Variants in NAA35 observed in about 807,000 individuals in gnomAD.
The protein encoded by NAA35 is N-alpha-acetyltransferase 35, NatC auxiliary subunit, also known as MAK10 homolog, amino-acid N-acetyltransferase subunit.
Under a neutral mutation model 101.7 loss-of-function variants are expected in NAA35, and 18 were observed. The observed-to-expected ratio is 0.18, with a 90% CI of 0.12 to 0.26. The LOEUF is 0.26. NAA35 is among the 10% of genes least tolerant of loss of function. The pLI is 1.00. For synonymous variants in NAA35, 267 were observed against 273.1 expected, an observed-to-expected ratio of 0.98 and a Z score of 0.22; for missense variants, 601 against 886.8, an observed-to-expected ratio of 0.68 and a Z score of 4.09.
At chr9:86,001,463 A>G (rs1337262698) in intron 12 of NAA35, among the ~76,000 whole-genome samples, 2 of 152,088 alleles carry the variant, frequency 1.3e-5, no homozygotes, top group East Asian at 1.9e-4. Flanking sequence ...TCGATGATCC[A>G]TCTAATACTG....
At chr9:85,954,984 C>G (rs1417646681) in intron 2 of NAA35, among the ~76,000 whole-genome samples, 1 of 152,076 alleles carries the variant, frequency 6.6e-6, no homozygotes, top group Non-Finnish European at 1.5e-5. Flanking sequence ...GTGGCACAAT[C>G]TCGGCTCACT....
Position 85,958,529 on chromosome 9 carries a change from T to C in NAA35, c.216T>C (p.Ala72=). 6.2e-7 allele frequency: 1 copy of C among 1,612,010 alleles called. No individual in the cohort carries two copies. Among genetic ancestry groups the C allele is most frequent in the Non-Finnish European group, 8.5e-7 (1 of 1,178,780 alleles). ...AAATGATGGATCCCAAGATGGATGC[T>C]GGCATGATTGGAAACCAAGTTAATC... is the stretch of plus-strand genomic sequence containing the variant. ...AIEMMDPKMD[A]GMIGNQVNRK... The change falls in exon 4 of 23, where the codon GCT becomes GCC. Residue 72 remains alanine, a synonymous_variant. Coordinates refer to ENST00000361671, the MANE Select transcript of NAA35 (RefSeq NM_024635.4).
intron 2 of NAA35, among the ~76,000 whole-genome samples, chr9:85,942,756 C>G (rs1253788489): frequency 1.3e-5 from 2 of 152,228 alleles, no homozygotes; most frequent in African/African-American, 2.4e-5. Flanking sequence ...CCCCGCCAGG[C>G]TTATTACATT....
chr9:86,020,741 G>T, intron 21 of NAA35, 148 bp from the exon 22 acceptor site: 1 of 514,532 alleles, frequency 1.9e-6, no homozygotes. Flanking sequence ...TGAAGTAGGA[G>T]GATTGCCTGA....
Position 86,013,403 on chromosome 9 carries a change from A to G in NAA35, c.1389+259A>G, listed in dbSNP as rs564685620. On this transcript the variant is annotated intron_variant, in intron 16 of 22. Coordinates refer to ENST00000361671, the MANE Select transcript of NAA35 (RefSeq NM_024635.4). Reference sequence around the variant, plus strand: ...TATAAAATGATAGTTTTACAAGCTTACATTATAAAAAATATTAATACATTA... The same window carrying G: ...TATAAAATGATAGTTTTACAAGCTTGCATTATAAAAAATATTAATACATTA... 3.0e-4 allele frequency among the ~76,000 whole-genome samples: 45 copies of G among 152,354 alleles called. 2 individuals are homozygous for G. In the South Asian group the frequency reaches 7.5e-3, roughly 25 times the overall value.
intron 6 of NAA35, among the ~76,000 whole-genome samples, chr9:85,962,506 A>G (rs904746651): frequency 2.0e-5 from 3 of 151,662 alleles, no homozygotes; most frequent in Admixed American, 6.6e-5. Flanking sequence ...AAAAAAAAAA[A>G]AAAGAAAGAA....
intron 12 of NAA35, among the ~76,000 whole-genome samples, chr9:85,997,464 C>T (rs1226416556): frequency 1.3e-5 from 2 of 151,936 alleles, no homozygotes; most frequent in Non-Finnish European, 2.9e-5. Context: ...ACATCAGCCT[C>T]CCAAGTAGCT....
chr9:85,989,757 TG>T (rs1830818889), intron 11 of NAA35, among the ~76,000 whole-genome samples: 1 of 152,196 alleles, frequency 6.6e-6, no homozygotes, highest in Non-Finnish European at 1.5e-5. Context: ...CGGTGGAAAT[TG>T]GTTTTACTAA....
chr9:86,000,549 GTTAT>G (rs1245117832), intron 12 of NAA35, among the ~76,000 whole-genome samples: 2 of 151,854 alleles, frequency 1.3e-5, no homozygotes, highest in Non-Finnish European at 2.9e-5. Context: ...TGGTTGGTAG[GTTAT>G]TTATTACTGA....
chr9:86,016,989 T>C (rs1024003926), intron 18 of NAA35, among the ~76,000 whole-genome samples: 1 of 152,162 alleles, frequency 6.6e-6, no homozygotes, highest in Non-Finnish European at 1.5e-5. Flanking sequence ...GCCAGATAGC[T>C]CAGGAGGGCA....
chr9:85,941,832 A>G (rs1283972309), intron 1 of NAA35: 3 of 1,040,730 alleles, frequency 2.9e-6, no homozygotes, highest in African/African-American at 3.4e-5. Context: ...TGTGGCTATT[A>G]TTGAAAGTTG....
At chr9:86,011,932 A>C in intron 15 of NAA35, among the ~76,000 whole-genome samples, 1 of 141,692 alleles carries the variant, frequency 7.1e-6, no homozygotes, top group Non-Finnish European at 1.5e-5. Flanking sequence ...TATAATATAT[A>C]CTATAATATA....
chr9:85,971,535 A>G lies in NAA35; in HGVS notation c.517-3432A>G, dbSNP rs76514254. 3.0e-3 allele frequency among the ~76,000 whole-genome samples: 463 copies of G among 152,286 alleles called. 2 individuals carry two copies. The highest frequency in any genetic ancestry group is 0.01 in the African/African-American group (418 of 41,550). On this transcript the variant is annotated intron_variant, in intron 6 of 22. Coordinates refer to ENST00000361671, the MANE Select transcript of NAA35 (RefSeq NM_024635.4). ...GCATTCAGTATCAACTAACTATACA[A>G]TGATGAAGTCCAAATTTATACCTCT...
intron 11 of NAA35, among the ~76,000 whole-genome samples, chr9:85,984,870 A>G (rs138023752): frequency 6.6e-6 from 1 of 152,310 alleles, no homozygotes; most frequent in African/African-American, 2.4e-5. Context: ...TCTTATGCAA[A>G]AGTCAACTCA....
intron 2 of NAA35, among the ~76,000 whole-genome samples, chr9:85,955,109 G>A (rs894989784): frequency 6.6e-6 from 1 of 151,450 alleles, no homozygotes; most frequent in Admixed American, 6.6e-5. Flanking sequence ...TAGAGATGGG[G>A]TTTCACTGTG....
chr9:85,958,456 A>G lies in NAA35; in HGVS notation c.159-16A>G, dbSNP rs751943252. ...GGCTCAAAAACAATTTGTTGGCTCA[A>G]TTTTTTTATTTGCAGATTTGGTCTT... On this transcript the variant is annotated splice_polypyrimidine_tract_variant and intron_variant, in intron 3 of 22. Coordinates refer to ENST00000361671, the MANE Select transcript of NAA35 (RefSeq NM_024635.4). 1.9e-6 allele frequency: 3 copies of G among 1,556,506 alleles called. No homozygotes were observed. The highest frequency in any genetic ancestry group is 2.6e-6 in the Non-Finnish European group (3 of 1,136,780).
Position 86,023,974 on chromosome 9 carries a change from T to G in NAA35, c.*2014T>G, listed in dbSNP as rs551091195. 6.6e-6 allele frequency among the ~76,000 whole-genome samples: 1 copy of G among 152,352 alleles called. No individual in the cohort carries two copies. The highest frequency in any genetic ancestry group is 6.5e-5 in the Admixed American group (1 of 15,302). Reference sequence around the variant, plus strand: ...GCTGGGATTATAGGCAAATGCCTGCTTGGCTAGTTTTTGTTTTTAAACAGC... The same window carrying G: ...GCTGGGATTATAGGCAAATGCCTGCGTGGCTAGTTTTTGTTTTTAAACAGC... On this transcript the variant is annotated 3_prime_UTR_variant, in exon 23 of 23. Coordinates refer to ENST00000361671, the MANE Select transcript of NAA35 (RefSeq NM_024635.4).
rs563195320 is a variant in NAA35, at chr9:85,948,034, A to G, written c.124+5751A>G. 8.5e-5 allele frequency among the ~76,000 whole-genome samples: 13 copies of G among 152,278 alleles called. No individual in the cohort carries two copies. In the East Asian group the frequency reaches 2.1e-3, roughly 25 times the overall value. On this transcript the variant is annotated intron_variant, in intron 2 of 22. Transcript: ENST00000361671. Reference sequence around the variant, plus strand: ...TAGTTAATGAAAAAGGAGTTTCTAGAAGACACTGCGTTCCTCCTTTTAGCT... The same window carrying G: ...TAGTTAATGAAAAAGGAGTTTCTAGGAGACACTGCGTTCCTCCTTTTAGCT...
chr9:86,007,960 A>G (rs1055328296), intron 14 of NAA35, among the ~76,000 whole-genome samples: 14 of 152,234 alleles, frequency 9.2e-5, no homozygotes, highest in South Asian at 2.1e-4. Flanking sequence ...ACTTCATGGT[A>G]GATCTAATTA....
Sources: allele counts gnomAD v4.1 joint callset (sites outside exome capture counted in the v4.1 genomes callset), GRCh38; gene constraint gnomAD v4.1.1; transcripts MANE v1.5; gene names NCBI Gene and HGNC (gene_info 2026-07-23, HGNC 2026-07-21).